DLGAP1: variants seen among roughly 807,000 people sequenced by gnomAD.
DLGAP1 encodes the protein DLG associated protein 1.
Under a neutral mutation model 90.8 loss-of-function variants are expected in DLGAP1, and 11 were observed. That is an observed-to-expected ratio of 0.12 (90% CI 0.08 to 0.20). The LOEUF (loss-of-function observed/expected upper bound fraction) is 0.20. Ranked by LOEUF, DLGAP1 falls within the 10% of genes least tolerant of loss-of-function variation. The probability of loss-of-function intolerance (pLI) is 1.00; values close to 1 mark genes in which losing one functional copy is unlikely to be tolerated. For synonymous variants in DLGAP1, 558 were observed against 540.7 expected (o/e 1.03, Z -0.44); for missense variants, 1,050 against 1,333.8 (o/e 0.79, Z 3.31).
intron 7 of DLGAP1, among the ~76,000 whole-genome samples, chr18:3,679,212 C>T (rs1464476251): frequency 8.8e-6 from 1 of 113,588 alleles, no homozygotes; most frequent in South Asian, 2.4e-4. Flanking sequence ...CTACTCCCAC[C>T]CCCATGGATT....
chr18:3,887,326 G>A (rs569494177), intron 3 of DLGAP1, among the ~76,000 whole-genome samples: 1 of 152,310 alleles, frequency 6.6e-6, no homozygotes, highest in Admixed American at 6.5e-5. Flanking sequence ...GCTATGTCAG[G>A]ATGCAGCACT....
At chr18:3,970,784 A>C (rs933305533) in intron 3 of DLGAP1, among the ~76,000 whole-genome samples, 1 of 152,176 alleles carries the variant, frequency 6.6e-6, no homozygotes, top group African/African-American at 2.4e-5. Flanking sequence ...AAAAATCTGG[A>C]AGCAAAAGGG....
intron 2 of DLGAP1, among the ~76,000 whole-genome samples, chr18:4,072,758 C>A (rs1160790637): frequency 6.6e-6 from 1 of 152,128 alleles, no homozygotes; most frequent in Non-Finnish European, 1.5e-5. Context: ...GTGTGAGCCA[C>A]CAAGCCAGAC....
intron 2 of DLGAP1, among the ~76,000 whole-genome samples, chr18:4,111,902 G>T (rs988281486): frequency 6.6e-5 from 10 of 151,058 alleles, no homozygotes; most frequent in African/African-American, 2.2e-4. Flanking sequence ...TTGTTTTATT[G>T]ATTTTTCTCT....
chr18:3,877,277 T>C (rs541349944), intron 4 of DLGAP1, among the ~76,000 whole-genome samples: 2 of 152,130 alleles, frequency 1.3e-5, no homozygotes, highest in Non-Finnish European at 1.5e-5. Flanking sequence ...CAAAAAGGTA[T>C]AAAAAAGAAA....
At chr18:3,669,470 C>T (rs377288939) in intron 7 of DLGAP1, among the ~76,000 whole-genome samples, 5 of 152,176 alleles carry the variant, frequency 3.3e-5, no homozygotes, top group Admixed American at 2.6e-4. Context: ...GAGACACAAG[C>T]GGCTGGACGT....
intron 1 of DLGAP1, among the ~76,000 whole-genome samples, chr18:4,347,499 A>G (rs1387625421): frequency 1.3e-5 from 2 of 152,062 alleles, no homozygotes; most frequent in African/African-American, 4.8e-5. Context: ...AAAATAATGA[A>G]TACAACTAAG....
Position 4,412,416 on chromosome 18 carries a change from C to T in DLGAP1, c.-267+42590G>A, listed in dbSNP as rs75361984. 2.1e-3 allele frequency among the ~76,000 whole-genome samples: 324 copies of T among 152,270 alleles called. 1 individual carries two copies. Among genetic ancestry groups the T allele is most frequent in the African/African-American group, 7.1e-3 (295 of 41,558 alleles). ...CCTCATCAAGATATAGTCAGCTTCT[C>T]CTCCAGGCTGCCAGACAAATAACTA... On this transcript the variant is annotated intron_variant, in intron 1 of 12. Transcript: ENST00000315677.
chr18:3,891,613 C>T (rs887229381), intron 3 of DLGAP1, among the ~76,000 whole-genome samples: 2 of 152,136 alleles, frequency 1.3e-5, no homozygotes, highest in African/African-American at 2.4e-5. Context: ...GTCTCTGCCT[C>T]TAGGAATCAT....
At chr18:3,662,857 T>C (rs965318689) in intron 7 of DLGAP1, among the ~76,000 whole-genome samples, 2 of 152,214 alleles carry the variant, frequency 1.3e-5, no homozygotes, top group Admixed American at 6.5e-5. Context: ...TCAGTATACG[T>C]TGGACATATA....
At chr18:3,828,316 G>A (rs1425885575) in intron 4 of DLGAP1, among the ~76,000 whole-genome samples, 2 of 152,144 alleles carry the variant, frequency 1.3e-5, no homozygotes, top group Non-Finnish European at 2.9e-5. Context: ...GCCTCTGGGG[G>A]CCAGGGGCAG....
chr18:3,899,559 G>A (rs781542459), intron 3 of DLGAP1, among the ~76,000 whole-genome samples: 1 of 152,114 alleles, frequency 6.6e-6, no homozygotes, highest in East Asian at 1.9e-4. Flanking sequence ...TTCAAAATTC[G>A]GGCTGCTATT....
intron 7 of DLGAP1, among the ~76,000 whole-genome samples, chr18:3,632,298 T>C (rs927684494): frequency 1.3e-5 from 2 of 151,812 alleles, no homozygotes; most frequent in Non-Finnish European, 2.9e-5. Flanking sequence ...AAATATTTTT[T>C]CTTTTCTTTT....
At chr18:3,650,959 G>A (rs768843219) in intron 7 of DLGAP1, among the ~76,000 whole-genome samples, 1 of 151,830 alleles carries the variant, frequency 6.6e-6, no homozygotes, top group Non-Finnish European at 1.5e-5. Flanking sequence ...CCAGCTATTC[G>A]GGAGGCTGAG....
At chr18:3,719,900 A>C (rs980252542) in intron 7 of DLGAP1, among the ~76,000 whole-genome samples, 1 of 152,216 alleles carries the variant, frequency 6.6e-6, no homozygotes, top group Non-Finnish European at 1.5e-5. Flanking sequence ...ATAAATTTTA[A>C]AATTTCATTA....
chr18:4,418,726 A>G (rs751910634), intron 1 of DLGAP1, among the ~76,000 whole-genome samples: 2 of 152,262 alleles, frequency 1.3e-5, no homozygotes, highest in Middle Eastern at 3.4e-3. Context: ...AAAAATATCA[A>G]ATGGTCTAAC....
intron 7 of DLGAP1, among the ~76,000 whole-genome samples, chr18:3,639,347 C>T (rs955829532): frequency 1.6e-4 from 18 of 113,410 alleles, no homozygotes; most frequent in Non-Finnish European, 3.0e-4. Flanking sequence ...CAGCGAGACT[C>T]CATCTCAAAA....
In DLGAP1 at chr18:3,608,809, T is replaced by C. The variant is rs534129517; in HGVS notation, c.1592-26561A>G. ...TTACCGTTAGATAATAAATTTATTC[T>C]AGTTGAAATCTGAAATACTCCAAAG... On this transcript the variant is annotated intron_variant, in intron 7 of 12. Coordinates refer to ENST00000315677, the MANE Select transcript of DLGAP1 (RefSeq NM_004746.4). Among the ~76,000 whole-genome samples, 10 of 152,294 alleles carry C rather than the reference T, an allele frequency of 6.6e-5. No homozygotes were observed. In the South Asian group the frequency reaches 1.9e-3, roughly 28 times the overall value.
At position 4,018,532 on chromosome 18, in the gene DLGAP1, T is replaced by C. The variant is rs1341995541; in HGVS notation, c.-158-13331A>G. 2.2e-4 allele frequency among the ~76,000 whole-genome samples: 33 copies of C among 152,228 alleles called. 1 individual carries two copies. The highest frequency in any genetic ancestry group is 1.5e-5 in the Non-Finnish European group (1 of 68,040). ...AGTATCTGGGTCGCCAACTACAGCATCCGCTAAAACCGGCAAGTTTAAATA... is the reference window on the plus strand; with the variant it reads ...AGTATCTGGGTCGCCAACTACAGCACCCGCTAAAACCGGCAAGTTTAAATA... On this transcript the variant is annotated intron_variant, in intron 2 of 12. Transcript: ENST00000315677.
Sources: allele counts gnomAD v4.1 joint callset (sites outside exome capture counted in the v4.1 genomes callset), GRCh38; gene constraint gnomAD v4.1.1; transcripts MANE v1.5; gene names NCBI Gene and HGNC (gene_info 2026-07-23, HGNC 2026-07-21).